The following CDIN1 variants were observed in gnomAD, a reference collection of about 807,000 sequenced individuals.
CDIN1 encodes CDAN1-interacting nuclease 1.
Under a neutral mutation model 45.3 loss-of-function variants are expected in CDIN1, and 33 were observed. That is an observed-to-expected ratio of 0.73 (90% confidence interval 0.55 to 0.97). CDIN1 has a LOEUF of 0.97. Among genes scored for constraint, CDIN1 ranks in the 50% least tolerant of loss-of-function variants. The pLI is 0.00. For missense variants in CDIN1, 303 were observed against 339.4 expected, an observed-to-expected ratio of 0.89 and a Z score of 0.84; for synonymous variants, 118 against 124.4, an observed-to-expected ratio of 0.95 and a Z score of 0.34.
At chr15:36,734,000 TC>T (rs1222772744) in intron 10 of CDIN1, among the ~76,000 whole-genome samples, 1 of 152,156 alleles carries the variant, frequency 6.6e-6, no homozygotes, top group East Asian at 1.9e-4. Flanking sequence ...TGTCTTCTTA[TC>T]CTAGATGAGA....
At chr15:36,708,974 G>C (rs1369842139) in intron 8 of CDIN1, 1 of 333,312 alleles carries the variant, frequency 3.0e-6, no homozygotes, top group Non-Finnish European at 5.4e-6. Context: ...GTATATGACA[G>C]CTTGAACTCG....
At chr15:36,709,767 A>T in intron 9 of CDIN1, 89 bp from the exon 10 acceptor site, 1 of 930,128 alleles carries the variant, frequency 1.1e-6, no homozygotes, top group Non-Finnish European at 1.8e-6. Flanking sequence ...TGTGCTCATT[A>T]ATGTGAAGCA....
chr15:36,698,762 A>G (rs564181237), intron 8 of CDIN1, among the ~76,000 whole-genome samples: 8 of 152,296 alleles, frequency 5.3e-5, no homozygotes, highest in African/African-American at 1.9e-4. Flanking sequence ...TCTGGGCACC[A>G]TCAGCCTGTG....
rs1008233333 is a variant in CDIN1 at position 36,618,829 on chromosome 15, A to G, written c.102-25449A>G. On this transcript the variant is annotated intron_variant, in intron 1 of 10. Coordinates refer to ENST00000566621, the MANE Select transcript of CDIN1 (RefSeq NM_001321759.2). ...TTCAGAAGGATGGTCTCAACCAGAC[A>G]ACTATACCAGTTTCTCCTCCAAGTA... 1.2e-5 allele frequency: 10 copies of G among 821,232 alleles called. 1 individual carries two copies. The African/African-American group carries it at 1.7e-4, about 14-fold the overall frequency. The allele number at this position is 821,232 out of a possible 1,614,324, so 50.9% of individuals were successfully genotyped here.
intron 1 of CDIN1, among the ~76,000 whole-genome samples, chr15:36,601,399 ATACT>A (rs2038095803): frequency 4.6e-5 from 7 of 152,166 alleles, no homozygotes; most frequent in Admixed American, 3.9e-4. Context: ...GACTAGTGTA[ATACT>A]TACCACCCTT....
At chr15:36,773,764 A>G (rs2054138403) in intron 10 of CDIN1, among the ~76,000 whole-genome samples, 1 of 152,184 alleles carries the variant, frequency 6.6e-6, no homozygotes, top group Non-Finnish European at 1.5e-5. Context: ...GTACTGGGAA[A>G]GTGGTAGGAA....
chr15:36,800,065 G>A (rs1415773559), intron 10 of CDIN1, among the ~76,000 whole-genome samples: 3 of 151,978 alleles, frequency 2.0e-5, no homozygotes, highest in Admixed American at 6.6e-5. Flanking sequence ...AGAGTGTTGT[G>A]GTTGTATATT....
chr15:36,639,704 A>G (rs1198139888), intron 1 of CDIN1, among the ~76,000 whole-genome samples: 1 of 152,190 alleles, frequency 6.6e-6, no homozygotes, highest in Non-Finnish European at 1.5e-5. Flanking sequence ...ATACCAGAGA[A>G]TGTGCATGGG....
chr15:36,609,532 G>A (rs976814706), intron 1 of CDIN1, among the ~76,000 whole-genome samples: 2 of 152,188 alleles, frequency 1.3e-5, no homozygotes, highest in Non-Finnish European at 2.9e-5. Context: ...AGGGGGGACC[G>A]AGACAGGAGG....
At chr15:36,586,267 G>A (rs1015100788) in intron 1 of CDIN1, among the ~76,000 whole-genome samples, 4 of 151,364 alleles carry the variant, frequency 2.6e-5, no homozygotes, top group African/African-American at 9.7e-5. Context: ...ACCTTGTGGG[G>A]ATATACTTTG....
At chr15:36,758,488 C>T (rs887163146) in intron 10 of CDIN1, among the ~76,000 whole-genome samples, 3 of 152,092 alleles carry the variant, frequency 2.0e-5, no homozygotes, top group African/African-American at 7.2e-5. Context: ...TAAATTTATG[C>T]AGAAGTTGAT....
At chr15:36,695,496 C>T (rs12324546) in intron 7 of CDIN1, among the ~76,000 whole-genome samples, 93,347 of 151,978 alleles carry the variant, frequency 0.61, 29,874 homozygotes, top group African/African-American at 0.8. Context: ...TTACCAGCCA[C>T]GGGACCTTCA....
At chr15:36,714,036 A>G (rs2043141871) in intron 10 of CDIN1, among the ~76,000 whole-genome samples, 1 of 152,196 alleles carries the variant, frequency 6.6e-6, no homozygotes, top group Non-Finnish European at 1.5e-5. Context: ...GACAGACAAT[A>G]ATGTTTTGAA....
rs139658887 is a variant in CDIN1, at chr15:36,594,084, A to G, written c.101+14123A>G. Among the ~76,000 whole-genome samples, 720 of 152,286 alleles carry G rather than the reference A, an allele frequency of 4.7e-3. 6 individuals are homozygous for G. The highest frequency in any genetic ancestry group is 7.6e-3 in the Non-Finnish European group (518 of 68,032). ...TTTTTGCAGTTCTGCTAATCACATA[A>G]TTGTAATAGTAATGAATTGGGCAAG... On this transcript the variant is annotated intron_variant, in intron 1 of 10. Coordinates refer to ENST00000566621, the MANE Select transcript of CDIN1 (RefSeq NM_001321759.2).
intron 10 of CDIN1, among the ~76,000 whole-genome samples, chr15:36,749,353 C>T (rs1048856214): frequency 2.6e-5 from 4 of 152,166 alleles, no homozygotes; most frequent in African/African-American, 4.8e-5. Context: ...GTTTGTATTG[C>T]TCTGGTGACT....
chr15:36,618,678 A>G, intron 1 of CDIN1: 1 of 813,034 alleles, frequency 1.2e-6, no homozygotes. Context: ...ATGAGCAGAC[A>G]GAATGCACTT....
In CDIN1 at chr15:36,808,834, CTTATT is replaced by C. The variant is rs367893371; in HGVS notation, c.*384_*388del. ...CTCCTCCCAGTTACCGAATCACCCT[CTTATT>C]TTTTTTTCCCTAAGCCTCCGTTCAC... On this transcript the variant is annotated 3_prime_UTR_variant, in exon 11 of 11. Coordinates refer to ENST00000566621, the MANE Select transcript of CDIN1 (RefSeq NM_001321759.2). 2,814 of 456,852 alleles carry C rather than the reference CTTATT, an allele frequency of 6.2e-3. 63 individuals carry two copies. The highest frequency in any genetic ancestry group is 0.05 in the African/African-American group (2,493 of 50,130). 28.3% of individuals were successfully genotyped at this position (456,852 alleles called of 1,614,324 possible).
At chr15:36,625,168 C>T (rs889095312) in intron 1 of CDIN1, among the ~76,000 whole-genome samples, 1 of 151,754 alleles carries the variant, frequency 6.6e-6, no homozygotes, top group Non-Finnish European at 1.5e-5. Flanking sequence ...GTAGTCCCAG[C>T]TACTTGGGAG....
intron 10 of CDIN1, among the ~76,000 whole-genome samples, chr15:36,807,550 G>A (rs1315558200): frequency 6.6e-6 from 1 of 152,048 alleles, no homozygotes; most frequent in Non-Finnish European, 1.5e-5. Flanking sequence ...TAGTCCATAG[G>A]GCCACTTCCT....
Sources: allele counts gnomAD v4.1 joint callset (sites outside exome capture counted in the v4.1 genomes callset), GRCh38; gene constraint gnomAD v4.1.1; transcripts MANE v1.5; gene names NCBI Gene and HGNC (gene_info 2026-07-23, HGNC 2026-07-21).